The following TRHDE variants were observed in gnomAD, a reference collection of about 807,000 sequenced individuals.
The protein encoded by TRHDE is thyrotropin-releasing hormone-degrading ectoenzyme.
Under a neutral mutation model 125.7 loss-of-function variants are expected in TRHDE, and 72 were observed. The observed-to-expected ratio is 0.57, with a 90% confidence interval of 0.47 to 0.70. The LOEUF (loss-of-function observed/expected upper bound fraction) is 0.70. TRHDE is among the 30% of genes least tolerant of loss of function. The probability of loss-of-function intolerance (pLI) is 0.00; values close to 1 mark genes in which losing one functional copy is unlikely to be tolerated. For synonymous variants in TRHDE, 509 were observed against 509.1 expected (o/e 1.00, Z 0.00); for missense variants, 1,110 against 1,327.1 (o/e 0.84, Z 2.54).
intron 2 of TRHDE, among the ~76,000 whole-genome samples, chr12:72,335,043 G>A (rs1869768110): frequency 6.6e-6 from 1 of 152,208 alleles, no homozygotes; most frequent in Admixed American, 6.5e-5. Context: ...ATGCCTCTAA[G>A]TTCTTACCTC....
chr12:72,487,126 G>GTAGA, intron 5 of TRHDE, among the ~76,000 whole-genome samples: 1 of 152,046 alleles, frequency 6.6e-6, no homozygotes, highest in South Asian at 2.1e-4. Flanking sequence ...ATTAAAAACT[G>GTAGA]TAGATAGTCA....
intron 12 of TRHDE, among the ~76,000 whole-genome samples, chr12:72,608,604 A>T (rs949387901): frequency 6.6e-6 from 1 of 152,182 alleles, no homozygotes. Context: ...GCTTTGGCTA[A>T]TGTGGCCAAA....
At chr12:72,413,782 T>C (rs1456743461) in intron 3 of TRHDE, among the ~76,000 whole-genome samples, 3 of 152,080 alleles carry the variant, frequency 2.0e-5, no homozygotes, top group Non-Finnish European at 2.9e-5. Context: ...CATACACTTA[T>C]GGTAAAATCC....
chr12:72,451,177 G>A (rs1339726229), intron 3 of TRHDE, among the ~76,000 whole-genome samples: 1 of 152,014 alleles, frequency 6.6e-6, no homozygotes, highest in African/African-American at 2.4e-5. Flanking sequence ...TTTTGAGGTT[G>A]TATCCAAAAA....
At chr12:72,205,628 G>A (rs1565662309) in intron 2 of TRHDE, among the ~76,000 whole-genome samples, 1 of 152,042 alleles carries the variant, frequency 6.6e-6, no homozygotes, top group Non-Finnish European at 1.5e-5. Context: ...TATGTGACTG[G>A]CTTATTTCAC....
At chr12:72,285,669 C>T (rs1034902190) in intron 1 of TRHDE, among the ~76,000 whole-genome samples, 1 of 151,828 alleles carries the variant, frequency 6.6e-6, no homozygotes, top group African/African-American at 2.4e-5. Flanking sequence ...TACAGGCATG[C>T]GCTACCATGC....
chr12:72,325,856 C>T (rs1400481732), intron 2 of TRHDE, among the ~76,000 whole-genome samples: 3 of 152,120 alleles, frequency 2.0e-5, no homozygotes, highest in Non-Finnish European at 4.4e-5. Flanking sequence ...ATGTGCAACT[C>T]ACTATGCTTC....
intron 3 of TRHDE, among the ~76,000 whole-genome samples, chr12:72,428,829 C>T (rs1440367487): frequency 2.0e-5 from 3 of 152,060 alleles, no homozygotes; most frequent in Admixed American, 6.6e-5. Flanking sequence ...GTTATAGACA[C>T]TTTATATAAA....
At chr12:72,625,813 G>T (rs983128423) in intron 15 of TRHDE, among the ~76,000 whole-genome samples, 1 of 151,802 alleles carries the variant, frequency 6.6e-6, no homozygotes. Flanking sequence ...GTTGTATGTG[G>T]TTCTGTGGTA....
chr12:72,401,503 A>G (rs1406676091), intron 3 of TRHDE, among the ~76,000 whole-genome samples: 1 of 152,226 alleles, frequency 6.6e-6, no homozygotes, highest in Non-Finnish European at 1.5e-5. Context: ...TCAACAGAGA[A>G]GTCTGTGTTT....
chr12:72,398,921 G>T (rs1872919446), intron 3 of TRHDE, among the ~76,000 whole-genome samples: 1 of 152,136 alleles, frequency 6.6e-6, no homozygotes, highest in Non-Finnish European at 1.5e-5. Flanking sequence ...CTAAGGCAGG[G>T]TTCCCCAACC....
chr12:72,129,051 CAT>C (rs1234984797), intron 2 of TRHDE, among the ~76,000 whole-genome samples: 1 of 152,162 alleles, frequency 6.6e-6, no homozygotes, highest in Non-Finnish European at 1.5e-5. Context: ...GAATATGTCA[CAT>C]GTGTACAGAG....
chr12:72,612,322 A>G (rs1592571726), intron 12 of TRHDE, among the ~76,000 whole-genome samples: 1 of 152,072 alleles, frequency 6.6e-6, no homozygotes, highest in Non-Finnish European at 1.5e-5. Flanking sequence ...CTTTCCCTTC[A>G]TAGCATCTGG....
chr12:72,282,482 A>G (rs955658875), intron 1 of TRHDE, among the ~76,000 whole-genome samples: 1 of 152,168 alleles, frequency 6.6e-6, no homozygotes, highest in Non-Finnish European at 1.5e-5. Flanking sequence ...AGTGAAGACA[A>G]AATTATATTT....
chr12:72,501,364 T>C (rs190994168), intron 6 of TRHDE, among the ~76,000 whole-genome samples: 16 of 152,276 alleles, frequency 1.1e-4, no homozygotes, highest in Non-Finnish European at 2.1e-4. Context: ...AGATGTTGCA[T>C]GCTATTTTGC....
At chr12:72,499,446 A>G in intron 5 of TRHDE, 52 bp from the exon 6 acceptor site, 1 of 1,593,228 alleles carries the variant, frequency 6.3e-7, no homozygotes. Context: ...CATCATATAC[A>G]TATGTCTAAC....
At chr12:72,572,617 C>A (rs1434988356) in intron 10 of TRHDE, among the ~76,000 whole-genome samples, 1 of 151,854 alleles carries the variant, frequency 6.6e-6, no homozygotes, top group African/African-American at 2.4e-5. Flanking sequence ...TCGTTTGTAA[C>A]AAAGGCATAA....
chr12:72,617,974 T>C (rs1370532028), intron 12 of TRHDE, among the ~76,000 whole-genome samples: 1 of 152,154 alleles, frequency 6.6e-6, no homozygotes, highest in East Asian at 1.9e-4. Flanking sequence ...ATTCAAACCA[T>C]AGCAAATATC....
At chr12:72,206,858 A>G (rs1198191076) in intron 2 of TRHDE, among the ~76,000 whole-genome samples, 1 of 151,812 alleles carries the variant, frequency 6.6e-6, no homozygotes, top group African/African-American at 2.4e-5. Flanking sequence ...ATCTACATAT[A>G]ATAATATATA....
Sources: allele counts gnomAD v4.1 joint callset (sites outside exome capture counted in the v4.1 genomes callset), GRCh38; gene constraint gnomAD v4.1.1; transcripts MANE v1.5; gene names NCBI Gene and HGNC (gene_info 2026-07-23, HGNC 2026-07-21).